CLIP4: variants seen among roughly 807,000 people sequenced by gnomAD.
CLIP4 encodes the protein CAP-Gly domain-containing linker protein 4.
CLIP4 carries 47 observed loss-of-function variants against 73.1 expected under a neutral mutation model. The observed-to-expected ratio is 0.64, with a 90% CI of 0.51 to 0.82. The LOEUF (loss-of-function observed/expected upper bound fraction) is 0.82. Ranked by LOEUF, CLIP4 falls within the 40% of genes least tolerant of loss-of-function variation. CLIP4 has a pLI of 0.00. For missense variants in CLIP4, 874 were observed against 852.9 expected, an observed-to-expected ratio of 1.02 and a Z score of -0.31; for synonymous variants, 306 against 295.4, an observed-to-expected ratio of 1.04 and a Z score of -0.37.
At chr2:29,105,629 G>T (rs114332013) in intron 1 of CLIP4, among the ~76,000 whole-genome samples, 3,558 of 152,332 alleles carry the variant, frequency 0.023, 115 homozygotes, top group East Asian at 0.091. Flanking sequence ...CCATGGGTCT[G>T]CTCCAGCTAG....
At chr2:29,174,690 G>A in intron 15 of CLIP4, 5 of 1,125,454 alleles carry the variant, frequency 4.4e-6, no homozygotes, top group Non-Finnish European at 5.4e-6. Flanking sequence ...GGTCAGAACT[G>A]TTAATAAAAG....
At chr2:29,133,404 A>C (rs1665121493) in intron 4 of CLIP4, among the ~76,000 whole-genome samples, 1 of 152,036 alleles carries the variant, frequency 6.6e-6, no homozygotes. Flanking sequence ...CCAATTTCTT[A>C]TTATACTTTT....
chr2:29,177,838 CA>C lies in CLIP4; in HGVS notation c.1796+3395del, dbSNP rs371866652. Among the ~76,000 whole-genome samples the C allele has an allele frequency of 8.5e-5, 13 of 152,194 alleles. No homozygotes were observed. The East Asian group carries it at 2.1e-3, about 25-fold the overall frequency. On this transcript the variant is annotated intron_variant, in intron 15 of 15. Transcript: ENST00000320081. ...CCATGCCTGCCATTTCATAGGTGGC[CA>C]ATAAATATTTTTGAATGAGTAAACA...
rs10202184 is a variant in CLIP4, at chr2:29,172,323, A to G, written c.1724-2050A>G. 7.4e-3 allele frequency among the ~76,000 whole-genome samples: 1,128 copies of G among 152,242 alleles called. 12 individuals are homozygous for G. Among genetic ancestry groups the G allele is most frequent in the African/African-American group, 0.025 (1,034 of 41,550 alleles). ...GGATCATTTTTAAAATTTCATGTAT[A>G]TAAAATTTCTTTTAGAAAGGGTCTG... On this transcript the variant is annotated intron_variant, in intron 14 of 15. Transcript: ENST00000320081.
chr2:29,099,684 G>A (rs1052261313), intron 1 of CLIP4, among the ~76,000 whole-genome samples: 3 of 152,036 alleles, frequency 2.0e-5, no homozygotes, highest in Admixed American at 6.6e-5. Context: ...GGGGTCTTTC[G>A]CCTTTCCACA....
intron 13 of CLIP4, 82 bp from the exon 14 acceptor site, chr2:29,167,394 G>T: frequency 1.2e-6 from 1 of 840,132 alleles, no homozygotes; most frequent in Non-Finnish European, 1.8e-6. Context: ...GACTACAATT[G>T]GTGTGAAAAA....
intron 2 of CLIP4, among the ~76,000 whole-genome samples, chr2:29,123,736 C>A (rs1664415514): frequency 6.6e-6 from 1 of 152,184 alleles, no homozygotes; most frequent in Admixed American, 6.5e-5. Context: ...CCGGCCAGGT[C>A]ATGCGGGGTC....
chr2:29,112,083 C>T (rs893785169), upstream of CLIP4, among the ~76,000 whole-genome samples: 8 of 152,146 alleles, frequency 5.3e-5, no homozygotes, highest in Non-Finnish European at 8.8e-5. Context: ...AGCATTTATA[C>T]GTGGGTCTGC....
Position 29,176,050 on chromosome 2 carries a change from C to A in CLIP4, c.1796+1605C>A, listed in dbSNP as rs137966589. Among the ~76,000 whole-genome samples, 1,020 of 152,276 alleles carry A rather than the reference C, an allele frequency of 6.7e-3. 16 individuals carry two copies. Among genetic ancestry groups the A allele is most frequent in the African/African-American group, 0.023 (940 of 41,552 alleles). ...TGTTGGGATTACAGGCGTGAGCCAC[C>A]GCACCCGGCTGAGAATAAACTTTTT... On this transcript the variant is annotated intron_variant, in intron 15 of 15. Coordinates refer to ENST00000320081, the MANE Select transcript of CLIP4 (RefSeq NM_024692.6).
chr2:29,125,485 C>T (rs1664538396), intron 2 of CLIP4, among the ~76,000 whole-genome samples: 1 of 152,152 alleles, frequency 6.6e-6, no homozygotes, highest in South Asian at 2.1e-4. Context: ...TCCCCAGACT[C>T]TTAGCTCTGT....
At chr2:29,121,550 G>A in intron 2 of CLIP4, 29 bp downstream of exon 2, 1 of 1,607,978 alleles carries the variant, frequency 6.2e-7, no homozygotes, top group Non-Finnish European at 8.5e-7. Flanking sequence ...CTTATTTTCT[G>A]TGAACTGGTA....
intron 2 of CLIP4, among the ~76,000 whole-genome samples, chr2:29,122,826 CAAAAAA>C (rs11364909): frequency 4.8e-5 from 3 of 61,926 alleles, no homozygotes; most frequent in East Asian, 5.8e-4. Flanking sequence ...ACTTTGTCTC[CAAAAAA>C]AAAAAAAAAA....
chr2:29,178,478 G>A (rs941401960), intron 15 of CLIP4, among the ~76,000 whole-genome samples: 5 of 152,006 alleles, frequency 3.3e-5, no homozygotes, highest in African/African-American at 1.2e-4. Flanking sequence ...ACTGTGCCTG[G>A]CCATGTGTCT....
At chr2:29,114,402 C>T (rs1008447279), upstream of CLIP4, 11 of 152,134 alleles carry the variant, frequency 7.2e-5, no homozygotes, top group East Asian at 1.5e-3. Context: ...ACTTAAGAGT[C>T]CCCAGGGCAG....
At chr2:29,138,564 A>G (rs1665539128) in intron 6 of CLIP4, among the ~76,000 whole-genome samples, 1 of 151,788 alleles carries the variant, frequency 6.6e-6, no homozygotes, top group Non-Finnish European at 1.5e-5. Context: ...TGGAAATTTG[A>G]TAGGAAGACT....
At chr2:29,108,391 G>A (rs1212302658) in intron 1 of CLIP4, among the ~76,000 whole-genome samples, 1 of 152,204 alleles carries the variant, frequency 6.6e-6, no homozygotes, top group Non-Finnish European at 1.5e-5. Context: ...TGTACAGTGT[G>A]GAGGCCCTGG....
intron 8 of CLIP4, among the ~76,000 whole-genome samples, chr2:29,147,141 T>A (rs935071122): frequency 6.6e-6 from 1 of 152,188 alleles, no homozygotes; most frequent in Non-Finnish European, 1.5e-5. Flanking sequence ...CTCCATTTCC[T>A]TTAATTTTTC....
rs1307625573 is a variant in CLIP4 at position 29,167,496 on chromosome 2, C to T, written c.1679C>T (p.Thr560Ile). 4 of 1,608,508 alleles carry T rather than the reference C, an allele frequency of 2.5e-6. No homozygotes were observed. The highest frequency in any genetic ancestry group is 3.4e-6 in the Non-Finnish European group (4 of 1,177,404). The change falls in exon 14 of 16, where the codon ACC becomes ATC. Residue 560 changes from threonine (T) to isoleucine (I), a missense_variant. By Grantham distance (89) the Thr-to-Ile change is moderately conservative. Transcript: ENST00000320081. Reference sequence around the variant, plus strand: ...CATAGAGTAACAGATTCCCTGGATACCCTTTCAGAAATTTCTTCAAATAAA... The same window carrying T: ...CATAGAGTAACAGATTCCCTGGATATCCTTTCAGAAATTTCTTCAAATAAA... ...RVQRVTDSLD[T>I]LSEISSNKQN... is the part of the protein sequence containing the mutation.
chr2:29,128,426 G>T (rs894069242), intron 2 of CLIP4, among the ~76,000 whole-genome samples: 2 of 151,196 alleles, frequency 1.3e-5, no homozygotes, highest in African/African-American at 2.4e-5. Context: ...AGAAAGCCAT[G>T]TAGTTGTTAA....
Sources: allele counts gnomAD v4.1 joint callset (sites outside exome capture counted in the v4.1 genomes callset), GRCh38; gene constraint gnomAD v4.1.1; transcripts MANE v1.5; gene names NCBI Gene and HGNC (gene_info 2026-07-23, HGNC 2026-07-21).